Variants in ADCY8 observed in about 807,000 individuals in gnomAD.
The protein encoded by ADCY8 is adenylate cyclase 8, also known as adenylate cyclase type 8.
A neutral mutation model predicts 119.7 loss-of-function variants in ADCY8; 51 were observed. That is an observed-to-expected ratio of 0.43 (90% CI 0.34 to 0.54). The LOEUF (loss-of-function observed/expected upper bound fraction) is 0.54. Among genes scored for constraint, ADCY8 ranks in the 20% least tolerant of loss-of-function variants. ADCY8 has a pLI of 0.03. For missense variants in ADCY8, 1,383 were observed against 1,598.8 expected, an observed-to-expected ratio of 0.87 and a Z score of 2.30; for synonymous variants, 665 against 651.0, an observed-to-expected ratio of 1.02 and a Z score of -0.33.
chr8:130,907,278 C>T (rs1179494451), intron 6 of ADCY8, among the ~76,000 whole-genome samples: 1 of 152,034 alleles, frequency 6.6e-6, no homozygotes, highest in African/African-American at 2.4e-5. Context: ...TTAATAAACT[C>T]TCGGGTAATT....
Position 130,840,580 on chromosome 8 carries a change from T to C in ADCY8, c.2503-4131A>G, listed in dbSNP as rs77530032. The stretch of plus-strand genomic sequence containing the variant: ...GGAAAGCAGGGTGTAAAATTATATA[T>C]ATACTATGATTACAAGAATGCAAAA... On this transcript the variant is annotated intron_variant, in intron 11 of 17. Coordinates refer to ENST00000286355, the MANE Select transcript of ADCY8 (RefSeq NM_001115.3). Among the ~76,000 whole-genome samples the C allele has an allele frequency of 2.2e-3, 337 of 152,286 alleles. 11 individuals are homozygous for C. The East Asian group carries it at 0.057, about 26-fold the overall frequency.
chr8:130,895,243 A>T (rs749271104), intron 7 of ADCY8, among the ~76,000 whole-genome samples: 1 of 151,946 alleles, frequency 6.6e-6, no homozygotes, highest in Non-Finnish European at 1.5e-5. Context: ...CAGTTTTATG[A>T]CTCCCCAAAC....
At chr8:130,836,979 C>G (rs1170422240) in intron 11 of ADCY8, among the ~76,000 whole-genome samples, 1 of 152,136 alleles carries the variant, frequency 6.6e-6, no homozygotes, top group Non-Finnish European at 1.5e-5. Context: ...GATGATCCAC[C>G]CACCTTGACC....
At chr8:130,925,078 G>A (rs976049659) in intron 5 of ADCY8, among the ~76,000 whole-genome samples, 4 of 151,664 alleles carry the variant, frequency 2.6e-5, no homozygotes, top group South Asian at 2.1e-4. Flanking sequence ...GGTGGCATGC[G>A]CCTGTAGTCC....
At chr8:130,783,577 A>T (rs779064360) in intron 17 of ADCY8, 114 bp downstream of exon 17, 13 of 669,150 alleles carry the variant, frequency 1.9e-5, no homozygotes, top group Non-Finnish European at 2.9e-5. Context: ...GTCATGCTAG[A>T]TCTATTGCAT....
At chr8:131,003,808 A>G (rs1168572712) in intron 1 of ADCY8, among the ~76,000 whole-genome samples, 3 of 152,006 alleles carry the variant, frequency 2.0e-5, no homozygotes, top group Non-Finnish European at 4.4e-5. Context: ...CTTTTCTCCT[A>G]GGGTCCACAG....
At chr8:130,812,064 CT>C (rs1387384961) in intron 14 of ADCY8, among the ~76,000 whole-genome samples, 4 of 152,180 alleles carry the variant, frequency 2.6e-5, no homozygotes, top group African/African-American at 9.7e-5. Context: ...CTAAAGGTGT[CT>C]GTAATTCATC....
At chr8:130,836,207 C>T (rs1189200223) in intron 12 of ADCY8, 70 bp downstream of exon 12, 1 of 1,491,978 alleles carries the variant, frequency 6.7e-7, no homozygotes, top group Non-Finnish European at 9.1e-7. Flanking sequence ...CAGCGGGCAT[C>T]ATTTTCCCAA....
intron 14 of ADCY8, 93 bp from the exon 15 acceptor site, chr8:130,800,665 C>T: frequency 7.5e-7 from 1 of 1,324,654 alleles, no homozygotes; most frequent in Non-Finnish European, 1.1e-6. Flanking sequence ...TACACACGTG[C>T]ACAGTCACCC....
chr8:130,903,749 A>G, intron 7 of ADCY8, 23 bp downstream of exon 7: 2 of 1,609,418 alleles, frequency 1.2e-6, no homozygotes, highest in Middle Eastern at 2.3e-4. Flanking sequence ...ATGGCCAAGC[A>G]GAAGGAGGAA....
At chr8:131,002,300 G>A (rs1822973730) in intron 1 of ADCY8, among the ~76,000 whole-genome samples, 2 of 152,206 alleles carry the variant, frequency 1.3e-5, no homozygotes, top group African/African-American at 4.8e-5. Flanking sequence ...TCACTACAGT[G>A]ACCCACTGAA....
chr8:131,009,295 G>C (rs1816278860), intron 1 of ADCY8, among the ~76,000 whole-genome samples: 1 of 152,212 alleles, frequency 6.6e-6, no homozygotes, highest in African/African-American at 2.4e-5. Context: ...CTCAGGACTT[G>C]GCGCTCTGAG....
intron 12 of ADCY8, among the ~76,000 whole-genome samples, chr8:130,827,298 C>A (rs1163095731): frequency 6.6e-6 from 1 of 152,152 alleles, no homozygotes; most frequent in Non-Finnish European, 1.5e-5. Flanking sequence ...GCAAGTTGTG[C>A]CAATCATGTT....
At chr8:130,961,275 A>AT (rs1431429354) in intron 2 of ADCY8, among the ~76,000 whole-genome samples, 4 of 151,712 alleles carry the variant, frequency 2.6e-5, no homozygotes, top group East Asian at 1.9e-4. Flanking sequence ...CTCCTGGCTA[A>AT]TTTTTTGTAT....
chr8:130,814,215 C>T lies in ADCY8; in HGVS notation c.2767G>A (p.Ala923Thr). Residue 923 changes from alanine to threonine, a missense_variant, in exon 14 of 18, where the codon GCC becomes ACC. Transcript: ENST00000286355. ...ACTCGCCAAAGGAAGTCCAGGCGGG[C>T]TGTGTACTCCAGCTGCAGTACATGT... ...FYHGQQLEYT[A>T]RLDFLWRVQA... The T allele has an allele frequency of 6.2e-7, 1 of 1,613,980 alleles. No homozygotes were observed. Among genetic ancestry groups the T allele is most frequent in the Non-Finnish European group, 8.5e-7 (1 of 1,180,010 alleles).
At chr8:131,019,755 TCTTA>T (rs1398111781) in intron 1 of ADCY8, among the ~76,000 whole-genome samples, 2 of 151,954 alleles carry the variant, frequency 1.3e-5, no homozygotes, top group Non-Finnish European at 2.9e-5. Context: ...TCTTCATTGC[TCTTA>T]CTATCTGCTG....
intron 12 of ADCY8, among the ~76,000 whole-genome samples, chr8:130,821,880 G>C (rs1161840717): frequency 6.6e-6 from 1 of 152,166 alleles, no homozygotes; most frequent in Non-Finnish European, 1.5e-5. Flanking sequence ...TTCTTAGGGA[G>C]GTATTTTGCA....
intron 12 of ADCY8, among the ~76,000 whole-genome samples, chr8:130,829,029 G>C (rs1816748382): frequency 6.6e-6 from 1 of 152,178 alleles, no homozygotes; most frequent in South Asian, 2.1e-4. Context: ...CAAAAGTCTA[G>C]ATAGTCAAAG....
At chr8:130,901,838 A>G (rs1168458853) in intron 7 of ADCY8, among the ~76,000 whole-genome samples, 3 of 152,208 alleles carry the variant, frequency 2.0e-5, no homozygotes, top group Admixed American at 6.5e-5. Context: ...AAACTTGGGC[A>G]TTAAAAAAAT....
Sources: gnomAD v4.1 joint callset for allele counts (sites outside exome capture counted in the v4.1 genomes callset) on GRCh38, gnomAD v4.1.1 for gene constraint, MANE v1.5 for transcripts, NCBI Gene and HGNC (gene_info 2026-07-23, HGNC 2026-07-21) for gene names.